The following TUBB4A variants were observed in gnomAD, a reference collection of about 807,000 sequenced individuals.
The protein encoded by TUBB4A is tubulin beta 4A class IVa.
TUBB4A carries 13 observed loss-of-function variants against 35.1 expected under a neutral mutation model. The ratio of observed to expected loss-of-function variants is 0.37; its 90% confidence interval spans 0.24 to 0.59. TUBB4A has a LOEUF of 0.59. Ranked by LOEUF, TUBB4A falls within the 20% of genes least tolerant of loss-of-function variation. The pLI is 0.71. For missense variants in TUBB4A, 299 were observed against 647.2 expected (o/e 0.46, Z 5.84); for synonymous variants, 279 against 272.4 (o/e 1.02, Z -0.24).
upstream of TUBB4A, chr19:6,502,579 A>G (rs879333610): frequency 3.8e-5 from 9 of 235,570 alleles, no homozygotes; most frequent in Non-Finnish European, 6.5e-5. Context: ...GGCCACCCGC[A>G]GAAATTGGGC....
intron 3 of TUBB4A, among the ~76,000 whole-genome samples, chr19:6,500,433 G>A (rs1009661384): frequency 6.6e-6 from 1 of 152,104 alleles, no homozygotes; most frequent in East Asian, 1.9e-4. Flanking sequence ...CATGCCCAGT[G>A]AAATCCCTGT....
At position 6,501,099 on chromosome 19, in the gene TUBB4A, T is replaced by A; in HGVS notation, c.277+188A>T. On this transcript the variant is annotated intron_variant, in intron 3 of 3. Transcript: ENST00000264071. The surrounding 1 kb of genome is among the most constrained non-coding windows in gnomAD (Gnocchi z 4.2). ...AGACTTCCCTGAATCCTTCTCTGTATCCGCCCTCCTCAGGGCTCTCACAGT... is the reference window on the plus strand; with the variant it reads ...AGACTTCCCTGAATCCTTCTCTGTAACCGCCCTCCTCAGGGCTCTCACAGT... 1.8e-6 allele frequency: 1 copy of A among 567,132 alleles called. No homozygotes were observed. The highest frequency in any genetic ancestry group is 2.9e-5 in the East Asian group (1 of 34,676). 35.1% of individuals were successfully genotyped at this position (567,132 alleles called of 1,614,324 possible).
chr19:6,496,678 G>T (rs995679028), intron 3 of TUBB4A, among the ~76,000 whole-genome samples: 2 of 149,318 alleles, frequency 1.3e-5, no homozygotes, highest in African/African-American at 2.4e-5. Flanking sequence ...ATTATAGCCA[G>T]GTGTGCTGGT....
Position 6,501,821 on chromosome 19 carries a change from C to T in TUBB4A, c.58-198G>A. 6.7e-6 allele frequency: 4 copies of T among 598,752 alleles called. No homozygotes were observed. Among genetic ancestry groups the T allele is most frequent in the Non-Finnish European group, 1.2e-5 (4 of 340,716 alleles). The allele number at this position is 598,752 out of a possible 1,614,324, so 37.1% of individuals were successfully genotyped here. On this transcript the variant is annotated intron_variant, in intron 1 of 3. Coordinates refer to ENST00000264071, the MANE Select transcript of TUBB4A (RefSeq NM_006087.4). The surrounding 1 kb of genome is among the most constrained non-coding windows in gnomAD (Gnocchi z 4.2). ...GGGGCGGGGTGCAGCCGAGTCAGCA[C>T]CCAGCGGGGCCGGCTGGTGCCAGCG...
In TUBB4A at chr19:6,501,335, G is replaced by A. The variant is rs1914523898; in HGVS notation, c.229C>T (p.Arg77Cys). The A allele has an allele frequency of 6.2e-7, 1 of 1,614,184 alleles. No homozygotes were observed. The highest frequency in any genetic ancestry group is 8.5e-7 in the Non-Finnish European group (1 of 1,180,004). Residue 77 changes from arginine (R) to cysteine (C), a missense_variant, in exon 3 of 4, where the codon CGT (arginine) becomes TGT (cysteine). Arg to Cys is a radical substitution (Grantham distance 180). Coordinates refer to ENST00000264071, the MANE Select transcript of TUBB4A (RefSeq NM_006087.4). The surrounding 1 kb of genome is among the most constrained non-coding windows in gnomAD (Gnocchi z 4.2). ...DLEPGTMDSV[R>C]SGPFGQIFRP... ...AAGATCTGACCGAAGGGGCCAGAAC[G>A]GACAGAGTCCATGGTGCCGGGTTCC... is the stretch of plus-strand genomic sequence containing the variant.
Position 6,501,330 on chromosome 19 carries a change from A to T in TUBB4A, c.234T>A (p.Ser78=). The change falls in exon 3 of 4, where the codon TCT becomes TCA. Residue 78 remains serine, a synonymous_variant. Coordinates refer to ENST00000264071, the MANE Select transcript of TUBB4A (RefSeq NM_006087.4). This position sits in a 1 kb window ranked among gnomAD's most constrained non-coding sequence, Gnocchi z 4.2. ...GCCGAAAGATCTGACCGAAGGGGCC[A>T]GAACGGACAGAGTCCATGGTGCCGG... ...LEPGTMDSVR[S]GPFGQIFRPD... 1 of 1,614,192 alleles carries T rather than the reference A, an allele frequency of 6.2e-7. No homozygotes were observed. Among genetic ancestry groups the T allele is most frequent in the Non-Finnish European group, 8.5e-7 (1 of 1,180,004 alleles).
At chr19:6,498,231 A>T (rs1366113756) in intron 3 of TUBB4A, among the ~76,000 whole-genome samples, 1 of 150,802 alleles carries the variant, frequency 6.6e-6, no homozygotes, top group African/African-American at 2.4e-5. Flanking sequence ...AAAATGGAAT[A>T]AAAAAAAGAA....
At chr19:6,502,100 C>T in intron 1 of TUBB4A, 56 bp downstream of exon 1, 2 of 1,509,700 alleles carry the variant, frequency 1.3e-6, no homozygotes, top group Non-Finnish European at 1.8e-6. Flanking sequence ...CGGGGACCGA[C>T]CCCGCGGTGC....
At chr19:6,497,962 A>G (rs890520409) in intron 3 of TUBB4A, among the ~76,000 whole-genome samples, 1 of 148,624 alleles carries the variant, frequency 6.7e-6, no homozygotes, top group Non-Finnish European at 1.5e-5. Context: ...TTGTAAACCC[A>G]GCACTTTGGG....
At chr19:6,496,268 C>T (rs747046930) in intron 3 of TUBB4A, 47 bp from the exon 4 acceptor site, 1 of 1,537,348 alleles carries the variant, frequency 6.5e-7, no homozygotes, top group Non-Finnish European at 8.8e-7. Context: ...TGGGGAGCCC[C>T]AACCCTTGAC....
intron 3 of TUBB4A, among the ~76,000 whole-genome samples, chr19:6,497,024 A>AAAT (rs1568410509): frequency 4.5e-5 from 1 of 22,006 alleles, no homozygotes; most frequent in Non-Finnish European, 7.4e-5. Context: ...AAAAAAAAAA[A>AAAT]ATATATATAT....
intron 3 of TUBB4A, 51 bp from the exon 4 acceptor site, chr19:6,496,272 C>T: frequency 6.5e-7 from 1 of 1,530,952 alleles, no homozygotes; most frequent in South Asian, 1.3e-5. Context: ...GAGCCCCAAC[C>T]CTTGACTCTG....
intron 3 of TUBB4A, chr19:6,500,927 C>T (rs1914500291): frequency 9.4e-6 from 2 of 213,182 alleles, no homozygotes; most frequent in Non-Finnish European, 1.9e-5. Flanking sequence ...TTGATTCTTA[C>T]CTGGATCTCC....
intron 3 of TUBB4A, among the ~76,000 whole-genome samples, chr19:6,497,875 T>C (rs1356125959): frequency 9.1e-6 from 1 of 109,752 alleles, no homozygotes; most frequent in Admixed American, 1.4e-4. Flanking sequence ...CACTCCAGCC[T>C]GGGCGACAGC....
chr19:6,498,880 A>G (rs767618649), intron 3 of TUBB4A, among the ~76,000 whole-genome samples: 1 of 152,222 alleles, frequency 6.6e-6, no homozygotes, highest in Non-Finnish European at 1.5e-5. Flanking sequence ...GCCGTGGCCC[A>G]TCATAGGTCC....
In TUBB4A at chr19:6,501,428, T is replaced by C. The variant is rs1312960346; in HGVS notation, c.167-31A>G. On this transcript the variant is annotated intron_variant, in intron 2 of 3. Transcript: ENST00000264071. The surrounding 1 kb of genome is among the most constrained non-coding windows in gnomAD (Gnocchi z 4.2). ...GGGAAACAGATGGAGGGCAGTTCGATGCGTGCCAGGAACCACAGGCGCCCG... is the reference window on the plus strand; with the variant it reads ...GGGAAACAGATGGAGGGCAGTTCGACGCGTGCCAGGAACCACAGGCGCCCG... 6.2e-7 allele frequency: 1 copy of C among 1,607,918 alleles called. No homozygotes were observed.
rs1914506419 is a variant in TUBB4A at position 6,501,064 on chromosome 19, T to A, written c.277+223A>T. The stretch of plus-strand genomic sequence containing the variant: ...CAGACCGTTGAATTAAAATGCCACC[T>A]CCTCCAGGAAGACTTCCCTGAATCC... On this transcript the variant is annotated intron_variant, in intron 3 of 3. Coordinates refer to ENST00000264071, the MANE Select transcript of TUBB4A (RefSeq NM_006087.4). The surrounding 1 kb of genome is among the most constrained non-coding windows in gnomAD (Gnocchi z 4.2). 10 of 522,104 alleles carry A rather than the reference T, an allele frequency of 1.9e-5. No individual in the cohort carries two copies. In the South Asian group the frequency reaches 2.6e-4, roughly 14 times the overall value. 32.3% of individuals were successfully genotyped at this position (522,104 alleles called of 1,614,324 possible). A position where few individuals can be genotyped will look rare whatever the true frequency, so the allele number is the denominator to read the frequency against.
intron 1 of TUBB4A, 110 bp downstream of exon 1, chr19:6,502,046 G>A: frequency 8.0e-7 from 1 of 1,248,276 alleles, no homozygotes. Context: ...TGGCCTCCTG[G>A]GGACCTCATT....
At position 6,496,503 on chromosome 19, in the gene TUBB4A, C is replaced by T. The variant is rs1033092476; in HGVS notation, c.278-282G>A. ...AAAATTAGCCGGGAGTGGTGGCGGG[C>T]GCCTGTAGTCCTAGCTACTCGGGAG... On this transcript the variant is annotated intron_variant, in intron 3 of 3. Coordinates refer to ENST00000264071, the MANE Select transcript of TUBB4A (RefSeq NM_006087.4). The T allele has an allele frequency of 2.3e-4, 70 of 310,742 alleles. 1 individual carries two copies. The highest frequency in any genetic ancestry group is 7.6e-4 in the South Asian group (20 of 26,398). 19.2% of individuals were successfully genotyped at this position (310,742 alleles called of 1,614,324 possible).
Sources: allele counts gnomAD v4.1 joint callset (sites outside exome capture counted in the v4.1 genomes callset), GRCh38; gene constraint gnomAD v4.1.1; non-coding constraint Gnocchi (gnomAD v3.1); transcripts MANE v1.5; gene names NCBI Gene and HGNC (gene_info 2026-07-23, HGNC 2026-07-21).